KCND2: variants seen among roughly 807,000 people sequenced by gnomAD.
KCND2 encodes A-type voltage-gated potassium channel KCND2.
In KCND2, 16 loss-of-function variants were observed where a neutral mutation model predicts 54.4. The observed-to-expected ratio is 0.29, with a 90% CI of 0.20 to 0.45. The LOEUF is 0.45. Ranked by LOEUF, KCND2 falls within the 20% of genes least tolerant of loss-of-function variation. The pLI is 1.00. For missense variants in KCND2, 486 were observed against 824.2 expected, an observed-to-expected ratio of 0.59 and a Z score of 5.02; for synonymous variants, 317 against 310.7, an observed-to-expected ratio of 1.02 and a Z score of -0.21.
intron 1 of KCND2, among the ~76,000 whole-genome samples, chr7:120,494,544 A>G (rs975593963): frequency 1.3e-5 from 2 of 152,152 alleles, no homozygotes; most frequent in South Asian, 2.1e-4. Context: ...ATCATGTCTT[A>G]TGGACACAGT....
At chr7:120,483,998 A>G (rs1802652550) in intron 1 of KCND2, among the ~76,000 whole-genome samples, 1 of 152,162 alleles carries the variant, frequency 6.6e-6, no homozygotes, top group Non-Finnish European at 1.5e-5. Flanking sequence ...AAGAGAAAAA[A>G]AAGCTTGTCA....
intron 1 of KCND2, among the ~76,000 whole-genome samples, chr7:120,650,822 T>G (rs1791722707): frequency 6.9e-6 from 1 of 144,056 alleles, no homozygotes; most frequent in Non-Finnish European, 1.5e-5. Context: ...TTTGTTAGTT[T>G]TCCTTCTAAC....
At chr7:120,550,491 A>G (rs2116394840) in intron 1 of KCND2, among the ~76,000 whole-genome samples, 1 of 152,264 alleles carries the variant, frequency 6.6e-6, no homozygotes, top group South Asian at 2.1e-4. Context: ...AGAATTAATC[A>G]TGTTCAGTTG....
At chr7:120,343,766 A>G (rs1800274581) in intron 1 of KCND2, among the ~76,000 whole-genome samples, 1 of 152,144 alleles carries the variant, frequency 6.6e-6, no homozygotes, top group Non-Finnish European at 1.5e-5. Flanking sequence ...TACAGTTCGA[A>G]TTTTTTATTT....
At chr7:120,554,670 A>C (rs551607836) in intron 1 of KCND2, among the ~76,000 whole-genome samples, 4 of 152,072 alleles carry the variant, frequency 2.6e-5, no homozygotes, top group Non-Finnish European at 4.4e-5. Context: ...GGCCTCCCAA[A>C]GTGCTGGGAT....
At position 120,274,619 on chromosome 7, in the gene KCND2, C is replaced by T. The variant is rs531123314; in HGVS notation, c.-14C>T. 2.5e-6 allele frequency: 4 copies of T among 1,614,026 alleles called. No individual in the cohort carries two copies. Among genetic ancestry groups the T allele is most frequent in the Admixed American group, 1.7e-5 (1 of 60,010 alleles). ...GACGCCTCGTTACCCTTCTTCCTTC[C>T]GCTTCAAGTAATCATGGCGGCGGGG... On this transcript the variant is annotated 5_prime_UTR_variant, in exon 1 of 6. Coordinates refer to ENST00000331113, the MANE Select transcript of KCND2 (RefSeq NM_012281.3).
intron 1 of KCND2, among the ~76,000 whole-genome samples, chr7:120,612,560 A>G (rs1231686488): frequency 6.6e-6 from 1 of 152,208 alleles, no homozygotes; most frequent in Admixed American, 6.5e-5. Flanking sequence ...TATTTTTCAA[A>G]CACAGCTTTT....
chr7:120,661,606 C>G (rs796983708), intron 1 of KCND2, among the ~76,000 whole-genome samples: 1 of 151,050 alleles, frequency 6.6e-6, no homozygotes, highest in African/African-American at 2.4e-5. Flanking sequence ...GCCAAGATCA[C>G]GCCACCGCAC....
At chr7:120,721,665 A>C (rs1298395908) in intron 1 of KCND2, among the ~76,000 whole-genome samples, 1 of 152,186 alleles carries the variant, frequency 6.6e-6, no homozygotes, top group Non-Finnish European at 1.5e-5. Flanking sequence ...GACTATTTAC[A>C]TGAAGCATCA....
intron 1 of KCND2, among the ~76,000 whole-genome samples, chr7:120,589,289 AATG>A (rs1189063900): frequency 2.6e-5 from 4 of 152,254 alleles, no homozygotes; most frequent in Non-Finnish European, 5.9e-5. Flanking sequence ...AGCAGAAGTG[AATG>A]ATAAGTATGC....
chr7:120,350,027 CTT>C (rs1800379276), intron 1 of KCND2, among the ~76,000 whole-genome samples: 1 of 151,638 alleles, frequency 6.6e-6, no homozygotes, highest in South Asian at 2.1e-4. Flanking sequence ...TTGGATAAGA[CTT>C]TTATAACTTT....
intron 1 of KCND2, among the ~76,000 whole-genome samples, chr7:120,439,618 CTGTAATTT>C (rs1473523279): frequency 1.3e-5 from 2 of 151,990 alleles, no homozygotes; most frequent in African/African-American, 4.8e-5. Context: ...TTACATCTAG[CTGTAATTT>C]TGTACCTGCT....
At chr7:120,276,091 A>G (rs2116245567) in intron 1 of KCND2, among the ~76,000 whole-genome samples, 1 of 152,304 alleles carries the variant, frequency 6.6e-6, no homozygotes, top group Non-Finnish European at 1.5e-5. Context: ...AGACACAAAT[A>G]TATACAATGT....
intron 1 of KCND2, among the ~76,000 whole-genome samples, chr7:120,463,230 T>C (rs1802308858): frequency 2.0e-5 from 3 of 151,966 alleles, no homozygotes; most frequent in South Asian, 4.1e-4. Context: ...ACAAGAAGTA[T>C]GTCCTTTTTT....
intron 1 of KCND2, among the ~76,000 whole-genome samples, chr7:120,432,569 T>C (rs992935060): frequency 2.0e-5 from 3 of 152,132 alleles, no homozygotes; most frequent in African/African-American, 7.2e-5. Flanking sequence ...TTAAGAGAAA[T>C]GAAAACATAG....
At chr7:120,565,353 A>G (rs2116417162) in intron 1 of KCND2, among the ~76,000 whole-genome samples, 1 of 152,326 alleles carries the variant, frequency 6.6e-6, no homozygotes, top group South Asian at 2.1e-4. Context: ...TATGTAATGT[A>G]GTCTATTCAT....
intron 1 of KCND2, among the ~76,000 whole-genome samples, chr7:120,559,863 G>T (rs913096417): frequency 6.6e-6 from 1 of 152,116 alleles, no homozygotes; most frequent in African/African-American, 2.4e-5. Context: ...AGAAAATTAA[G>T]CAAGGCCTTA....
intron 1 of KCND2, among the ~76,000 whole-genome samples, chr7:120,631,854 A>G (rs372057536): frequency 1.3e-5 from 2 of 152,138 alleles, no homozygotes; most frequent in African/African-American, 4.8e-5. Context: ...CTCCATTTTG[A>G]AAGTTTCTTA....
Position 120,747,832 on chromosome 7 carries a change from A to C in KCND2, c.1867A>C (p.Asn623His). ...AGAATCCCCTGAGTACTCAGGAGGAAATATTGTCAGAGTTTCTGCTTTGTA... is the reference window on the plus strand; with the variant it reads ...AGAATCCCCTGAGTACTCAGGAGGACATATTGTCAGAGTTTCTGCTTTGTA... ...RPESPEYSGGNIVRVSAL is the reference protein window; with the variant it reads ...RPESPEYSGGHIVRVSAL Residue 623 changes from asparagine to histidine, a missense_variant, in exon 6 of 6, where the codon AAT becomes CAT. Coordinates refer to ENST00000331113, the MANE Select transcript of KCND2 (RefSeq NM_012281.3). 6.2e-7 allele frequency: 1 copy of C among 1,612,234 alleles called. No individual in the cohort carries two copies. Among genetic ancestry groups the C allele is most frequent in the Non-Finnish European group, 8.5e-7 (1 of 1,178,750 alleles).
Sources: gnomAD v4.1 joint callset for allele counts (sites outside exome capture counted in the v4.1 genomes callset) on GRCh38, gnomAD v4.1.1 for gene constraint, MANE v1.5 for transcripts, NCBI Gene and HGNC (gene_info 2026-07-23, HGNC 2026-07-21) for gene names.